NINJ2: variants seen among roughly 807,000 people sequenced by gnomAD.
The protein encoded by NINJ2 is ninjurin 2.
A neutral mutation model predicts 11.7 loss-of-function variants in NINJ2; 12 were observed. The observed-to-expected ratio is 1.02, with a 90% confidence interval of 0.66 to 1.66. The LOEUF is 1.66. Among genes scored for constraint, NINJ2 ranks in the 40% most tolerant of loss-of-function variants. NINJ2 has a pLI of 0.00. For synonymous variants in NINJ2, 93 were observed against 76.8 expected, an observed-to-expected ratio of 1.21 and a Z score of -1.10; for missense variants, 187 against 181.8, an observed-to-expected ratio of 1.03 and a Z score of -0.16.
At chr12:579,050 T>G (rs529232617) in intron 1 of NINJ2, among the ~76,000 whole-genome samples, 1 of 152,228 alleles carries the variant, frequency 6.6e-6, no homozygotes, top group East Asian at 1.9e-4. Context: ...CAATTAATCA[T>G]GAAGCAAAAT....
chr12:658,511 C>T (rs1001757161), intron 1 of NINJ2, among the ~76,000 whole-genome samples: 7 of 152,114 alleles, frequency 4.6e-5, no homozygotes, highest in Admixed American at 1.3e-4. Context: ...GAAAAGGCTA[C>T]ATATTGTATG....
intron 1 of NINJ2, chr12:645,571 GCT>G (rs1004968309): frequency 2.6e-5 from 4 of 152,164 alleles, no homozygotes; most frequent in African/African-American, 9.7e-5. Context: ...TTAGATCACA[GCT>G]CTGTGAAGTA....
At chr12:637,144 T>A (rs1278028536) in intron 1 of NINJ2, among the ~76,000 whole-genome samples, 1 of 150,120 alleles carries the variant, frequency 6.7e-6, no homozygotes, top group Non-Finnish European at 1.5e-5. Flanking sequence ...AGGTCAGGAG[T>A]TCAAGACCAG....
chr12:646,924 C>T (rs1015100264), intron 1 of NINJ2, among the ~76,000 whole-genome samples: 4 of 147,768 alleles, frequency 2.7e-5, no homozygotes, highest in African/African-American at 4.8e-5. Flanking sequence ...ATTCTCCTGG[C>T]GTGGAGCCTG....
chr12:592,878 C>T (rs998782147), intron 1 of NINJ2, among the ~76,000 whole-genome samples: 12 of 152,080 alleles, frequency 7.9e-5, no homozygotes, highest in African/African-American at 2.2e-4. Context: ...CAATAAAACA[C>T]ACCTTAGGAA....
intron 1 of NINJ2, among the ~76,000 whole-genome samples, chr12:621,782 A>C (rs1592102418): frequency 1.4e-5 from 2 of 146,456 alleles, no homozygotes; most frequent in East Asian, 2.0e-4. Flanking sequence ...GCGCCACTGC[A>C]CTCCAGCCTG....
chr12:654,891 CAAA>C (rs1196945250), intron 1 of NINJ2, among the ~76,000 whole-genome samples: 1 of 104,824 alleles, frequency 9.5e-6, no homozygotes, highest in Non-Finnish European at 2.0e-5. Context: ...AACTCCATTT[CAAA>C]AAAAAAAAAA....
At chr12:621,059 T>A (rs11612359) in intron 1 of NINJ2, among the ~76,000 whole-genome samples, 22,333 of 152,028 alleles carry the variant, frequency 0.15, 2,050 homozygotes, top group South Asian at 0.25. Context: ...CACTCCTGAG[T>A]CTCTAGCTTC....
chr12:590,383 A>G (rs1309032920), intron 1 of NINJ2, among the ~76,000 whole-genome samples: 1 of 152,250 alleles, frequency 6.6e-6, no homozygotes, highest in East Asian at 1.9e-4. Context: ...TGGGTGAGCG[A>G]TTGGATGCTG....
chr12:643,521 C>G lies in NINJ2; in HGVS notation c.33+19807G>C, dbSNP rs1206746243. On this transcript the variant is annotated intron_variant, in intron 1 of 3. Transcript: ENST00000305108. ...TCCCTGGAACTGTACCTCATGTCCC[C>G]TCACTTAATCCTCCCAAGACCTGTG... 4.0e-6 allele frequency: 4 copies of G among 988,012 alleles called. No individual in the cohort carries two copies. The African/African-American group carries it at 7.0e-5, about 17-fold the overall frequency. 61.2% of individuals were successfully genotyped at this position (988,012 alleles called of 1,614,324 possible). A position where few individuals can be genotyped will look rare whatever the true frequency, so the allele number is the denominator to read the frequency against.
intron 1 of NINJ2, among the ~76,000 whole-genome samples, chr12:631,374 A>G (rs971877377): frequency 6.6e-6 from 1 of 151,800 alleles, no homozygotes; most frequent in African/African-American, 2.4e-5. Context: ...TTATTTATTT[A>G]TTTATTTTGA....
At chr12:656,224 C>T (rs909949276) in intron 1 of NINJ2, among the ~76,000 whole-genome samples, 19 of 151,130 alleles carry the variant, frequency 1.3e-4, no homozygotes, top group Middle Eastern at 6.9e-3. Context: ...ATTAGCTGGG[C>T]GTGGTGGTGG....
chr12:625,952 T>C (rs1165241853), intron 1 of NINJ2, among the ~76,000 whole-genome samples: 8 of 152,244 alleles, frequency 5.3e-5, no homozygotes, highest in African/African-American at 1.4e-4. Flanking sequence ...AGATGATCAA[T>C]GAATATGAAA....
At chr12:572,193 C>T (rs185697783) in intron 1 of NINJ2, among the ~76,000 whole-genome samples, 1 of 152,212 alleles carries the variant, frequency 6.6e-6, no homozygotes, top group Non-Finnish European at 1.5e-5. Context: ...CGGCTCTGAG[C>T]GGAGAATCCC....
chr12:625,138 A>G (rs1006625596), intron 1 of NINJ2, among the ~76,000 whole-genome samples: 2 of 151,308 alleles, frequency 1.3e-5, no homozygotes, highest in African/African-American at 4.8e-5. Flanking sequence ...ATATAGATAT[A>G]TAGATATATT....
intron 1 of NINJ2, among the ~76,000 whole-genome samples, chr12:586,728 G>A (rs564106970): frequency 2.0e-5 from 3 of 152,234 alleles, no homozygotes; most frequent in Non-Finnish European, 4.4e-5. Context: ...CTGAAACTGG[G>A]ACAAAGGCTT....
intron 1 of NINJ2, among the ~76,000 whole-genome samples, chr12:598,346 C>A (rs1214697121): frequency 6.6e-6 from 1 of 152,180 alleles, no homozygotes; most frequent in East Asian, 1.9e-4. Flanking sequence ...CCGCCCCCAC[C>A]CTCCTCCTTG....
Position 647,110 on chromosome 12 carries a change from C to T in NINJ2, c.33+16218G>A, listed in dbSNP as rs141293510. On this transcript the variant is annotated intron_variant, in intron 1 of 3. Coordinates refer to ENST00000305108, the MANE Select transcript of NINJ2 (RefSeq NM_016533.6). ...CTCAAACTGTTCAGGGGTGCCAGGC[C>T]CCTCTGTTCCTTCTCTTCCACCCCT... is the stretch of plus-strand genomic sequence containing the variant. 4.5e-3 allele frequency among the ~76,000 whole-genome samples: 685 copies of T among 152,278 alleles called. 4 individuals carry two copies. Among genetic ancestry groups the T allele is most frequent in the African/African-American group, 0.016 (660 of 41,534 alleles).
intron 1 of NINJ2, among the ~76,000 whole-genome samples, chr12:659,547 G>T (rs551475284): frequency 6.6e-6 from 1 of 152,338 alleles, no homozygotes; most frequent in African/African-American, 2.4e-5. Context: ...GCAGGGAGAA[G>T]GGCAGAGGCT....
Sources: allele counts gnomAD v4.1 joint callset (sites outside exome capture counted in the v4.1 genomes callset), GRCh38; gene constraint gnomAD v4.1.1; transcripts MANE v1.5; gene names NCBI Gene and HGNC (gene_info 2026-07-23, HGNC 2026-07-21).